Variants in MYO3B observed in about 807,000 individuals in gnomAD.
MYO3B encodes the protein myosin IIIB, also known as myosin-IIIb.
MYO3B carries 156 observed loss-of-function variants against 174.6 expected under a neutral mutation model. The ratio of observed to expected loss-of-function variants is 0.89; its 90% CI spans 0.78 to 1.02. The LOEUF is 1.02. Among genes scored for constraint, MYO3B ranks in the 50% least tolerant of loss-of-function variants. The pLI is 0.00. For missense variants in MYO3B, 1,632 were observed against 1,639.4 expected (o/e 1.00, Z 0.08); for synonymous variants, 563 against 569.1 (o/e 0.99, Z 0.15).
intron 7 of MYO3B, among the ~76,000 whole-genome samples, chr2:170,324,635 A>C (rs914102310): frequency 6.6e-6 from 1 of 152,034 alleles, no homozygotes; most frequent in African/African-American, 2.4e-5. Flanking sequence ...TTTCTAATTC[A>C]CTTCGTTCCT....
intron 6 of MYO3B, among the ~76,000 whole-genome samples, chr2:170,233,696 T>C (rs2355344): frequency 0.89 from 135,529 of 152,268 alleles, 60,675 homozygotes; most frequent in Non-Finnish European, 0.93. Context: ...AAAATGTTCT[T>C]CAGCTCAGAA....
chr2:170,563,477 A>C (rs953238618), intron 32 of MYO3B, among the ~76,000 whole-genome samples: 2 of 152,228 alleles, frequency 1.3e-5, no homozygotes, highest in African/African-American at 4.8e-5. Flanking sequence ...GCTGGGGAAT[A>C]AAAGAGAATC....
At chr2:170,267,473 A>G (rs1236466546) in intron 7 of MYO3B, among the ~76,000 whole-genome samples, 2 of 152,224 alleles carry the variant, frequency 1.3e-5, no homozygotes, top group Admixed American at 6.5e-5. Context: ...CTACTCACAC[A>G]TAATGTATTA....
chr2:170,183,058 C>T (rs1265012232), intron 1 of MYO3B, among the ~76,000 whole-genome samples: 1 of 151,938 alleles, frequency 6.6e-6, no homozygotes, highest in Non-Finnish European at 1.5e-5. Context: ...GAGTTCAAGA[C>T]CAGCCTGGGC....
Position 170,200,191 on chromosome 2 carries a change from GTTCC to G in MYO3B, c.234_237del (p.Pro79IlefsTer6), listed in dbSNP as rs2092645580. The stretch of plus-strand genomic sequence containing the variant: ...TTGAGGCAGAATACAACATTTTGCA[GTTCC>G]TTCCTAATCATCCCAATGTTGTAAA... On this transcript the variant is annotated frameshift_variant, in exon 3 of 35. Transcript: ENST00000408978. LOFTEE classifies it high-confidence loss of function. The G allele has an allele frequency of 6.2e-7, 1 of 1,613,406 alleles. No homozygotes were observed. The highest frequency in any genetic ancestry group is 1.3e-5 in the African/African-American group (1 of 74,878).
Position 170,236,102 on chromosome 2 carries a change from A to G in MYO3B, c.715A>G (p.Met239Val), listed in dbSNP as rs150584724. The part of the protein sequence containing the change: ...LGDGDPPLFD[M>V]HPVKTLFKIP... Reference sequence around the variant, plus strand: ...GGATGGAGACCCTCCCCTCTTTGACATGCATCCTGTGAAAACACTCTTTAA... The same window carrying G: ...GGATGGAGACCCTCCCCTCTTTGACGTGCATCCTGTGAAAACACTCTTTAA... Residue 239 changes from methionine (M) to valine (V), a missense_variant, in exon 7 of 35, where the codon ATG becomes GTG. Coordinates refer to ENST00000408978, the MANE Select transcript of MYO3B (RefSeq NM_138995.5). The G allele has an allele frequency of 1.4e-4, 229 of 1,614,184 alleles. 1 individual carries two copies. In the African/African-American group the frequency reaches 2.5e-3, roughly 17 times the overall value.
chr2:170,560,022 A>G (rs1691602796), intron 32 of MYO3B, among the ~76,000 whole-genome samples: 1 of 152,184 alleles, frequency 6.6e-6, no homozygotes, highest in Non-Finnish European at 1.5e-5. Flanking sequence ...CTACATGTAG[A>G]ATAATGCCTG....
chr2:170,421,079 G>T (rs2094611436), intron 22 of MYO3B, among the ~76,000 whole-genome samples: 1 of 152,170 alleles, frequency 6.6e-6, no homozygotes, highest in Non-Finnish European at 1.5e-5. Context: ...GACAGGAGGT[G>T]CTCAGAGAGT....
intron 2 of MYO3B, among the ~76,000 whole-genome samples, chr2:170,199,746 G>A (rs186725163): frequency 3.6e-4 from 55 of 152,150 alleles, no homozygotes; most frequent in Non-Finnish European, 6.6e-4. Context: ...TTAGAGCACC[G>A]GGGTTATAAT....
chr2:170,525,008 G>A (rs13386691), intron 30 of MYO3B, among the ~76,000 whole-genome samples: 1,626 of 152,182 alleles, frequency 0.011, 28 homozygotes, highest in African/African-American at 0.037. Flanking sequence ...ATTAGTCCAA[G>A]GCTTTTTCTC....
intron 30 of MYO3B, among the ~76,000 whole-genome samples, chr2:170,539,933 T>G (rs995350625): frequency 2.0e-5 from 3 of 152,108 alleles, no homozygotes; most frequent in Non-Finnish European, 4.4e-5. Context: ...CAATTGATAA[T>G]TTTGGCCTGA....
At chr2:170,457,158 T>C (rs966435279) in intron 23 of MYO3B, among the ~76,000 whole-genome samples, 1 of 152,142 alleles carries the variant, frequency 6.6e-6, no homozygotes, top group African/African-American at 2.4e-5. Context: ...AGTCAGTGAG[T>C]GTGTGGCGAG....
intron 29 of MYO3B, among the ~76,000 whole-genome samples, chr2:170,518,208 A>G (rs575613989): frequency 4.7e-4 from 71 of 152,352 alleles, no homozygotes; most frequent in Non-Finnish European, 8.4e-4. Flanking sequence ...CAGAACAGAC[A>G]ACACAAAAAA....
chr2:170,577,907 G>A (rs1355563930), intron 32 of MYO3B, among the ~76,000 whole-genome samples: 3 of 152,178 alleles, frequency 2.0e-5, no homozygotes, highest in Admixed American at 1.3e-4. Flanking sequence ...AAATGTGAAG[G>A]GGAAAGATTT....
At chr2:170,557,385 C>T (rs554583380) in intron 32 of MYO3B, among the ~76,000 whole-genome samples, 5 of 152,036 alleles carry the variant, frequency 3.3e-5, no homozygotes, top group Non-Finnish European at 1.5e-5. Context: ...GTGATCCGCC[C>T]GCCTCTGCCT....
intron 8 of MYO3B, among the ~76,000 whole-genome samples, chr2:170,361,465 T>C (rs2094160392): frequency 6.6e-6 from 1 of 152,236 alleles, no homozygotes; most frequent in Admixed American, 6.5e-5. Flanking sequence ...ACTGCCTTAA[T>C]TCTCGGACAC....
In MYO3B at chr2:170,310,483, C is replaced by A. The variant is rs148300018; in HGVS notation, c.750-24902C>A. 6.4e-3 allele frequency among the ~76,000 whole-genome samples: 973 copies of A among 151,902 alleles called. 13 individuals carry two copies. Among genetic ancestry groups the A allele is most frequent in the African/African-American group, 0.022 (930 of 41,444 alleles). ...TTTGAGACCAGCCTGGCCATCGTGG[C>A]AAAACCTCATCTCTACTAAAAATAC... On this transcript the variant is annotated intron_variant, in intron 7 of 34. Coordinates refer to ENST00000408978, the MANE Select transcript of MYO3B (RefSeq NM_138995.5).
chr2:170,490,387 T>C (rs1330095415), intron 25 of MYO3B, among the ~76,000 whole-genome samples: 1 of 152,236 alleles, frequency 6.6e-6, no homozygotes, highest in Non-Finnish European at 1.5e-5. Flanking sequence ...TTTTTGTATA[T>C]TGATCTTTAT....
intron 9 of MYO3B, among the ~76,000 whole-genome samples, chr2:170,374,482 G>T (rs566791437): frequency 1.3e-5 from 2 of 152,242 alleles, no homozygotes; most frequent in South Asian, 4.1e-4. Context: ...GGAATAGAAA[G>T]AAATGTTTTT....
Sources: gnomAD v4.1 joint callset for allele counts (sites outside exome capture counted in the v4.1 genomes callset) on GRCh38, gnomAD v4.1.1 for gene constraint, MANE v1.5 for transcripts, NCBI Gene and HGNC (gene_info 2026-07-23, HGNC 2026-07-21) for gene names.